The following DOP1B variants were observed in gnomAD, a reference collection of about 807,000 sequenced individuals.
The protein encoded by DOP1B is protein DOP1B.
A neutral mutation model predicts 233.5 loss-of-function variants in DOP1B; 174 were observed. The ratio of observed to expected loss-of-function variants is 0.75; its 90% CI spans 0.66 to 0.85. The LOEUF (loss-of-function observed/expected upper bound fraction) is 0.85, where lower values mean the gene tolerates loss of function less well. Among genes scored for constraint, DOP1B ranks in the 40% least tolerant of loss-of-function variants. DOP1B has a pLI of 0.00. For synonymous variants in DOP1B, 1,190 were observed against 1,185.6 expected (o/e 1.00, Z -0.08); for missense variants, 2,652 against 2,846.6 (o/e 0.93, Z 1.56).
chr21:36,169,260 C>T, intron 2 of DOP1B: 1 of 862,486 alleles, frequency 1.2e-6, no homozygotes, highest in African/African-American at 1.6e-5. Flanking sequence ...TCAGACAGGT[C>T]ATAGTCCGTG....
At position 36,245,055 on chromosome 21, in the gene DOP1B, G is replaced by A; in HGVS notation, c.3075G>A (p.Leu1025=). 1.9e-6 allele frequency: 3 copies of A among 1,593,766 alleles called. No homozygotes were observed. The highest frequency in any genetic ancestry group is 2.6e-6 in the Non-Finnish European group (3 of 1,164,010). Residue 1025 remains leucine, a synonymous_variant, in exon 19 of 37, where the codon TTG becomes TTA. Coordinates refer to ENST00000691173, the MANE Select transcript of DOP1B (RefSeq NM_001320714.2). This position sits in a 1 kb window ranked among gnomAD's most constrained non-coding sequence, Gnocchi z 5.5. ...TCATCTTGTAATTTTCAGATGACTT[G>A]CACCGTTGGTTTAACAGGAAGAAAA... ...CLKQENSADD[L]HRWFNRKKTS...
intron 2 of DOP1B, among the ~76,000 whole-genome samples, chr21:36,197,946 G>A (rs898297767): frequency 6.6e-6 from 1 of 151,816 alleles, no homozygotes; most frequent in Non-Finnish European, 1.5e-5. Flanking sequence ...AGGAGGTACA[G>A]GAGGTGGAGG....
chr21:36,170,577 C>G (rs2065962837), intron 2 of DOP1B: 1 of 150,912 alleles, frequency 6.6e-6, no homozygotes, highest in Non-Finnish European at 1.5e-5. Flanking sequence ...GCCTGGGTGA[C>G]AGAGTGAGAC....
At chr21:36,227,550 A>AG (rs991062414) in intron 12 of DOP1B, 136 bp from the exon 13 acceptor site, 16 of 846,330 alleles carry the variant, frequency 1.9e-5, no homozygotes, top group East Asian at 2.8e-5. Flanking sequence ...CTGTCAAAAA[A>AG]AAAGAAAGAA....
At chr21:36,265,036 G>T (rs901904796) in intron 26 of DOP1B, among the ~76,000 whole-genome samples, 39 of 152,136 alleles carry the variant, frequency 2.6e-4, no homozygotes, top group African/African-American at 9.4e-4. Context: ...ATGATCCCTG[G>T]CATTTGTGAA....
At chr21:36,252,579 T>C (rs978732318) in intron 22 of DOP1B, among the ~76,000 whole-genome samples, 2 of 151,202 alleles carry the variant, frequency 1.3e-5, no homozygotes, top group Admixed American at 6.6e-5. Context: ...GACAGAGCGA[T>C]CTCAGCTCAC....
intron 32 of DOP1B, 127 bp downstream of exon 32, chr21:36,281,738 C>T (rs1046927732): frequency 1.6e-5 from 14 of 881,374 alleles, no homozygotes; most frequent in East Asian, 8.5e-5. Flanking sequence ...CCAGGGCTGG[C>T]GTCTGGCAAG....
rs187150080 is a variant in DOP1B, at chr21:36,239,841, C to G, written c.2953C>G (p.Arg985Gly). The G allele has an allele frequency of 6.3e-7, 1 of 1,577,740 alleles. No homozygotes were observed. The highest frequency in any genetic ancestry group is 8.6e-7 in the Non-Finnish European group (1 of 1,163,626). The change falls in exon 18 of 37, where the codon CGT (arginine) becomes GGT (glycine). Residue 985 changes from arginine to glycine, a missense_variant. By Grantham distance (125) the Arg-to-Gly change is moderately radical (BLOSUM62 -2). Transcript: ENST00000691173. ...TGCGGCAGCCCAGGGCTGGCTGGTG[C>G]GTGCGCTCTCCCTCGGGGACGTGGC... Reference protein sequence around the residue: ...IGAAAQGWLVRALSLGDVARI... With the variant: ...IGAAAQGWLVGALSLGDVARI...
chr21:36,286,727 C>T (rs2067488367), intron 32 of DOP1B, among the ~76,000 whole-genome samples: 1 of 151,762 alleles, frequency 6.6e-6, no homozygotes, highest in Admixed American at 6.6e-5. Context: ...TTTGGGAGTC[C>T]AAGGCAGGTG....
chr21:36,218,145 C>T lies in DOP1B; in HGVS notation c.1130-1227C>T, dbSNP rs374083965. On this transcript the variant is annotated intron_variant, in intron 9 of 36. Coordinates refer to ENST00000691173, the MANE Select transcript of DOP1B (RefSeq NM_001320714.2). The stretch of plus-strand genomic sequence containing the variant: ...ATACTTTTTGTGGCTGGGCTTTAGC[C>T]ATACCTCATTTCCTCCTCCATCAAT... 3.2e-3 allele frequency among the ~76,000 whole-genome samples: 491 copies of T among 152,330 alleles called. 3 individuals are homozygous for T. The highest frequency in any genetic ancestry group is 0.011 in the African/African-American group (469 of 41,574).
At chr21:36,288,266 C>A in intron 33 of DOP1B, 116 bp downstream of exon 33, 1 of 1,068,666 alleles carries the variant, frequency 9.4e-7, no homozygotes, top group Non-Finnish European at 1.3e-6. Context: ...TATTTTTAAT[C>A]AGGTTGGTAG....
At chr21:36,238,768 C>A in intron 17 of DOP1B, 67 bp downstream of exon 17, 1 of 1,491,544 alleles carries the variant, frequency 6.7e-7, no homozygotes, top group Non-Finnish European at 9.3e-7. Flanking sequence ...GCCTGCCCAA[C>A]GTGTGGGGCT....
intron 2 of DOP1B, among the ~76,000 whole-genome samples, chr21:36,178,806 A>G (rs2066061943): frequency 6.6e-6 from 1 of 152,238 alleles, no homozygotes. Flanking sequence ...ATTTCTTTCC[A>G]ACTTTATTGG....
At chr21:36,228,930 G>A (rs1439184228) in intron 13 of DOP1B, among the ~76,000 whole-genome samples, 2 of 152,054 alleles carry the variant, frequency 1.3e-5, no homozygotes, top group African/African-American at 2.4e-5. Flanking sequence ...ATGATTGCAC[G>A]GCTGCACTCC....
At chr21:36,289,873 G>T (rs1053689343) in intron 35 of DOP1B, among the ~76,000 whole-genome samples, 2 of 152,190 alleles carry the variant, frequency 1.3e-5, no homozygotes, top group Admixed American at 6.5e-5. Flanking sequence ...AAGATCAGTG[G>T]TCGCCAGGGG....
In DOP1B at chr21:36,287,997, C is replaced by T. The variant is rs1225133651; in HGVS notation, c.6161-17C>T. ...ACTGCATATTTGTGTAACATCTTTA[C>T]AATCTTCTTTCCTTAGAACGCCTGA... On this transcript the variant is annotated splice_polypyrimidine_tract_variant and intron_variant, in intron 32 of 36. Transcript: ENST00000691173. 9 of 1,607,856 alleles carry T rather than the reference C, an allele frequency of 5.6e-6. No homozygotes were observed. Among genetic ancestry groups the T allele is most frequent in the African/African-American group, 1.3e-5 (1 of 74,592 alleles).
chr21:36,200,285 C>G, intron 3 of DOP1B, 46 bp from the exon 4 acceptor site: 2 of 1,515,216 alleles, frequency 1.3e-6, no homozygotes, highest in East Asian at 2.4e-5. Flanking sequence ...GGACTTCTGA[C>G]TGGGTATCTT....
intron 18 of DOP1B, among the ~76,000 whole-genome samples, chr21:36,243,251 A>G (rs1299967125): frequency 6.6e-6 from 1 of 152,030 alleles, no homozygotes; most frequent in Non-Finnish European, 1.5e-5. Flanking sequence ...AAGTGCTAGA[A>G]TTACAGGTAT....
intron 22 of DOP1B, among the ~76,000 whole-genome samples, chr21:36,251,774 GA>G (rs1287970599): frequency 6.6e-6 from 1 of 152,326 alleles, no homozygotes; most frequent in East Asian, 1.9e-4. Context: ...AGTACAAGTA[GA>G]ATGTGTATTG....
Sources: gnomAD v4.1 joint callset for allele counts (sites outside exome capture counted in the v4.1 genomes callset) on GRCh38, gnomAD v4.1.1 for gene constraint, Gnocchi (gnomAD v3.1) non-coding constraint, MANE v1.5 for transcripts, NCBI Gene and HGNC (gene_info 2026-07-23, HGNC 2026-07-21) for gene names.